The following ADAMTS17 variants were observed in gnomAD, a reference collection of about 807,000 sequenced individuals.
ADAMTS17 encodes the protein A disintegrin and metalloproteinase with thrombospondin motifs 17.
Under a neutral mutation model 141.5 loss-of-function variants are expected in ADAMTS17, and 113 were observed. That is an observed-to-expected ratio of 0.80 (90% CI 0.69 to 0.93). ADAMTS17 has a LOEUF of 0.93. Among genes scored for constraint, ADAMTS17 ranks in the 40% least tolerant of loss-of-function variants. The pLI, the probability that ADAMTS17 is intolerant of heterozygous loss-of-function variation, is 0.00. For missense variants in ADAMTS17, 1,659 were observed against 1,517.9 expected (o/e 1.09, Z -1.54); for synonymous variants, 768 against 630.6 (o/e 1.22, Z -3.27).
In ADAMTS17 at chr15:100,176,031, G is replaced by C. The variant is rs1047151938; in HGVS notation, c.1182-20711C>G. Among the ~76,000 whole-genome samples, 69 of 152,106 alleles carry C rather than the reference G, an allele frequency of 4.5e-4. 2 individuals are homozygous for C. Among genetic ancestry groups the C allele is most frequent in the Non-Finnish European group, 7.4e-5 (5 of 68,018 alleles). On this transcript the variant is annotated intron_variant, in intron 8 of 21. Coordinates refer to ENST00000268070, the MANE Select transcript of ADAMTS17 (RefSeq NM_139057.4). ...GCCTGCCCCGTGATCTGTCTTCCAG[G>C]CCCTGCTGCCCAGGCCACAGGCGCA...
At chr15:100,143,128 G>C (rs1229775798) in intron 10 of ADAMTS17, among the ~76,000 whole-genome samples, 1 of 152,226 alleles carries the variant, frequency 6.6e-6, no homozygotes, top group East Asian at 1.9e-4. Flanking sequence ...CAGGGTGGTG[G>C]TGATGGGGCA....
chr15:100,063,802 T>G (rs760368206), intron 15 of ADAMTS17: 1 of 1,260,992 alleles, frequency 7.9e-7, no homozygotes, highest in Non-Finnish European at 1.0e-6. Context: ...ACCTCCACCC[T>G]GCACCAGAGG....
intron 3 of ADAMTS17, among the ~76,000 whole-genome samples, chr15:100,282,415 G>A (rs1047773653): frequency 6.6e-6 from 1 of 152,116 alleles, no homozygotes; most frequent in African/African-American, 2.4e-5. Flanking sequence ...ACCACAGACA[G>A]TACCGAGCCC....
intron 10 of ADAMTS17, among the ~76,000 whole-genome samples, chr15:100,149,247 A>G (rs547114913): frequency 2.0e-4 from 30 of 152,362 alleles, no homozygotes; most frequent in African/African-American, 5.5e-4. Flanking sequence ...CTAGGGCAGC[A>G]TGCCCCAAAT....
intron 4 of ADAMTS17, among the ~76,000 whole-genome samples, chr15:100,263,920 G>A (rs1309929477): frequency 2.6e-5 from 4 of 152,208 alleles, no homozygotes; most frequent in African/African-American, 9.6e-5. Flanking sequence ...CTCAGGCCGA[G>A]TGGAGCCGCT....
chr15:100,266,378 C>G (rs1277951051), intron 4 of ADAMTS17, among the ~76,000 whole-genome samples: 4 of 152,226 alleles, frequency 2.6e-5, no homozygotes, highest in African/African-American at 9.6e-5. Context: ...CCCGATGGAG[C>G]CTTCGCCCTC....
chr15:100,255,524 A>G (rs944373471), intron 6 of ADAMTS17, among the ~76,000 whole-genome samples: 2 of 151,966 alleles, frequency 1.3e-5, no homozygotes, highest in African/African-American at 2.4e-5. Context: ...GGGAAAGCAA[A>G]TAAAATTAGA....
chr15:100,175,625 G>A (rs1479757245), intron 8 of ADAMTS17, among the ~76,000 whole-genome samples: 4 of 152,086 alleles, frequency 2.6e-5, no homozygotes, highest in Admixed American at 6.5e-5. Flanking sequence ...ATGTGGCTTG[G>A]TCATCTGTAC....
At chr15:100,058,085 G>A (rs1362541049) in intron 15 of ADAMTS17, among the ~76,000 whole-genome samples, 1 of 151,344 alleles carries the variant, frequency 6.6e-6, no homozygotes, top group Non-Finnish European at 1.5e-5. Context: ...CAGAAGGCCT[G>A]GCACACTCCA....
At chr15:99,974,670 G>T in intron 21 of ADAMTS17, 108 bp from the exon 22 acceptor site, 1 of 1,408,258 alleles carries the variant, frequency 7.1e-7, no homozygotes, top group Non-Finnish European at 1.0e-6. Context: ...CCTCACCCTC[G>T]TGCACACGTC....
chr15:100,026,443 T>C (rs1037395540), intron 18 of ADAMTS17, among the ~76,000 whole-genome samples: 30 of 152,380 alleles, frequency 2.0e-4, no homozygotes, highest in African/African-American at 6.3e-4. Context: ...CAACTCCATC[T>C]TGAATGCTTA....
intron 3 of ADAMTS17, among the ~76,000 whole-genome samples, chr15:100,283,989 C>T (rs1045299711): frequency 4.6e-5 from 7 of 152,236 alleles, no homozygotes; most frequent in Non-Finnish European, 8.8e-5. Flanking sequence ...GCCTGTAATC[C>T]CAGCCACTCG....
chr15:100,143,204 C>G (rs2141298613), intron 10 of ADAMTS17, among the ~76,000 whole-genome samples: 1 of 152,332 alleles, frequency 6.6e-6, no homozygotes, highest in East Asian at 1.9e-4. Flanking sequence ...ACAGTCAGGA[C>G]AGGACCCTAA....
chr15:100,226,550 A>G (rs1376763355), intron 7 of ADAMTS17, among the ~76,000 whole-genome samples: 1 of 152,250 alleles, frequency 6.6e-6, no homozygotes, highest in African/African-American at 2.4e-5. Flanking sequence ...AGAGGCCAAG[A>G]CTAGACACCG....
chr15:100,187,015 C>T (rs568771664), intron 8 of ADAMTS17, among the ~76,000 whole-genome samples: 5 of 152,296 alleles, frequency 3.3e-5, no homozygotes, highest in African/African-American at 1.2e-4. Flanking sequence ...GTCTGCCACT[C>T]CCATTTGCAA....
At chr15:100,315,976 A>C (rs1286278456) in intron 3 of ADAMTS17, among the ~76,000 whole-genome samples, 2 of 152,260 alleles carry the variant, frequency 1.3e-5, no homozygotes, top group African/African-American at 4.8e-5. Context: ...ACTCCCGAGG[A>C]AATCTCCAAG....
chr15:100,333,655 CCCA>C (rs2046121458), intron 2 of ADAMTS17, among the ~76,000 whole-genome samples: 1 of 152,216 alleles, frequency 6.6e-6, no homozygotes, highest in South Asian at 2.1e-4. Context: ...TTGCTTCTGG[CCCA>C]CGACTGCGCG....
intron 20 of ADAMTS17, chr15:99,980,282 C>T (rs1261277825): frequency 6.6e-6 from 1 of 152,268 alleles, no homozygotes; most frequent in African/African-American, 2.4e-5. Flanking sequence ...GATTGCACCA[C>T]TGCACTCCAG....
Position 100,250,072 on chromosome 15 carries a change from C to T in ADAMTS17, c.1075+4064G>A, listed in dbSNP as rs571635180. 3.3e-5 allele frequency among the ~76,000 whole-genome samples: 5 copies of T among 152,196 alleles called. No individual in the cohort carries two copies. The South Asian group carries it at 1.0e-3, about 32-fold the overall frequency. ...GGTGGCAAATGTTATGTGTATTTTA[C>T]CACAGTATAAAAAAGCACGATTTAA... is the stretch of plus-strand genomic sequence containing the variant. On this transcript the variant is annotated intron_variant, in intron 7 of 21. Transcript: ENST00000268070.
Sources: allele counts gnomAD v4.1 joint callset (sites outside exome capture counted in the v4.1 genomes callset), GRCh38; gene constraint gnomAD v4.1.1; transcripts MANE v1.5; gene names NCBI Gene and HGNC (gene_info 2026-07-23, HGNC 2026-07-21).